POLR2E: variants seen among roughly 807,000 people sequenced by gnomAD.
POLR2E encodes the protein RNA polymerase II, I and III subunit E.
POLR2E carries 35 observed loss-of-function variants against 29.8 expected under a neutral mutation model. The observed-to-expected ratio is 1.17, with a 90% CI of 0.90 to 1.55. The LOEUF is 1.55. Ranked by LOEUF, POLR2E falls within the 40% of genes most tolerant of loss-of-function variation. POLR2E has a pLI of 0.00. For missense variants in POLR2E, 287 were observed against 288.6 expected (o/e 0.99, Z 0.04); for synonymous variants, 174 against 112.6 (o/e 1.55, Z -3.45).
intron 7 of POLR2E, 124 bp from the exon 8 acceptor site, chr19:1,088,844 G>C (rs899849750): frequency 2.6e-5 from 4 of 152,654 alleles, no homozygotes; most frequent in Admixed American, 6.5e-5. Context: ...CCGCAGTGCA[G>C]AGGCCGGACG....
Position 1,087,235 on chromosome 19 carries a change from C to CCTCCACTTCCTGGGTTCAAGTGATT in POLR2E, c.*1475_*1499dup. 6.6e-6 allele frequency: 1 copy of CCTCCACTTCCTGGGTTCAAGTGATT among 152,068 alleles called. No individual in the cohort carries two copies. The highest frequency in any genetic ancestry group is 1.5e-5 in the Non-Finnish European group (1 of 68,018). The allele number at this position is 152,068 out of a possible 1,614,324, so 9.4% of individuals were successfully genotyped here. ...CTTTTAACTCCTGAGCTCAAGCGATCCTCCACTTCCTGGGTTCAAGTGATT... is the reference window on the plus strand; with the variant it reads ...CTTTTAACTCCTGAGCTCAAGCGATCCTCCACTTCCTGGGTTCAAGTGATTCTCCACTTCCTGGGTTCAAGTGATT... On this transcript the variant is annotated 3_prime_UTR_variant, in exon 8 of 8. Transcript: ENST00000615234.
At chr19:1,088,882 G>A (rs1052196419) in intron 7 of POLR2E, among the ~76,000 whole-genome samples, 162 bp from the exon 8 acceptor site, 1 of 150,988 alleles carries the variant, frequency 6.6e-6, no homozygotes, top group Non-Finnish European at 1.5e-5. Context: ...GGTCACACAG[G>A]CGTGGGCAGT....
Position 1,090,025 on chromosome 19 carries a change from G to A in POLR2E, c.488+62C>T, listed in dbSNP as rs2043794852. On this transcript the variant is annotated intron_variant, in intron 5 of 7. Transcript: ENST00000615234. ...TTGGGGGGGCAGGGGTGTGTGTGGG[G>A]GGGGAACGCGGAAGTCTCGAGGGAC... is the stretch of plus-strand genomic sequence containing the variant. 3.4e-6 allele frequency: 5 copies of A among 1,461,162 alleles called. No individual in the cohort carries two copies. The South Asian group carries it at 4.6e-5, about 13-fold the overall frequency. 90.5% of individuals were successfully genotyped at this position (1,461,162 alleles called of 1,614,324 possible).
In POLR2E at chr19:1,090,973, C is replaced by A. The variant is rs2043815859; in HGVS notation, c.364G>T (p.Ala122Ser). ...PSAKQSLVDMAPKYILEQFLQ... is the reference protein window; with the variant it reads ...PSAKQSLVDMSPKYILEQFLQ... ...AACTGCTCCAGGATGTACTTGGGGGCCATGTCGACCAGGGACTGGAAGAGA... is the reference window on the plus strand; with the variant it reads ...AACTGCTCCAGGATGTACTTGGGGGACATGTCGACCAGGGACTGGAAGAGA... Residue 122 changes from alanine to serine, a missense_variant, in exon 4 of 8, where the codon GCC (alanine) becomes TCC (serine). Ala to Ser is a moderately conservative substitution (Grantham distance 99). Transcript: ENST00000615234. 6.2e-7 allele frequency: 1 copy of A among 1,613,588 alleles called. No individual in the cohort carries two copies. The highest frequency in any genetic ancestry group is 1.3e-5 in the African/African-American group (1 of 75,060).
In POLR2E at chr19:1,091,916, A is replaced by G; in HGVS notation, c.233-9T>C. The G allele has an allele frequency of 6.3e-7, 1 of 1,589,528 alleles. No homozygotes were observed. The highest frequency in any genetic ancestry group is 2.2e-5 in the East Asian group (1 of 44,782). On this transcript the variant is annotated splice_polypyrimidine_tract_variant and intron_variant, in intron 2 of 7. Coordinates refer to ENST00000615234, the MANE Select transcript of POLR2E (RefSeq NM_002695.5). ...GCCCACCTTGGGCTCCTCTGCAGAC[A>G]GAGAGTGTGCTGGCCTGCACGAGCC...
intron 2 of POLR2E, 142 bp downstream of exon 2, chr19:1,093,762 G>A (rs1050653771): frequency 3.7e-5 from 53 of 1,414,632 alleles, no homozygotes; most frequent in Non-Finnish European, 4.9e-5. Flanking sequence ...CCACAGCAAG[G>A]AAGGGGAGGG....
intron 7 of POLR2E, among the ~76,000 whole-genome samples, chr19:1,088,985 G>A (rs958356299): frequency 5.3e-5 from 8 of 152,212 alleles, no homozygotes; most frequent in Non-Finnish European, 8.8e-5. Context: ...CAGGACAGCA[G>A]CTCGCCATGA....
chr19:1,091,090 A>C (rs1176796506), intron 3 of POLR2E, 102 bp from the exon 4 acceptor site: 4 of 942,646 alleles, frequency 4.2e-6, no homozygotes, highest in East Asian at 2.5e-5. Context: ...TGCCCCAACA[A>C]CACACCCACG....
rs753258227 is a variant in POLR2E at position 1,095,291 on chromosome 19, G to A, written c.25C>T (p.Arg9Trp). Reference sequence around the variant, plus strand: ...ATGGTCTTGCGGATTTTCCAGAGCCGGTACGTCTCCTCCTCGTCGTCCATG... The same window carrying A: ...ATGGTCTTGCGGATTTTCCAGAGCCAGTACGTCTCCTCCTCGTCGTCCATG... The part of the protein sequence containing the change: MDDEEETY[R>W]LWKIRKTIMQ... The change falls in exon 1 of 8, where the codon CGG (arginine) becomes TGG (tryptophan). Residue 9 changes from arginine to tryptophan, a missense_variant. Physicochemically the swap from Arg to Trp is moderately radical, Grantham distance 101. Coordinates refer to ENST00000615234, the MANE Select transcript of POLR2E (RefSeq NM_002695.5). 5.0e-6 allele frequency: 8 copies of A among 1,613,130 alleles called. No homozygotes were observed. The highest frequency in any genetic ancestry group is 3.3e-5 in the Admixed American group (2 of 59,990).
chr19:1,087,558 C>T lies in POLR2E; in HGVS notation c.*1177G>A, dbSNP rs898014708. The T allele has an allele frequency of 6.6e-6, 1 of 152,132 alleles. No individual in the cohort carries two copies. Among genetic ancestry groups the T allele is most frequent in the Non-Finnish European group, 1.5e-5 (1 of 68,104 alleles). 9.4% of individuals were successfully genotyped at this position (152,132 alleles called of 1,614,324 possible). A position where few individuals can be genotyped will look rare whatever the true frequency, so the allele number is the denominator to read the frequency against. ...GAACCCCCATCCCCACCCAACTCCC[C>T]AGTCCCGGGAACCCCCATCCTACTT... On this transcript the variant is annotated 3_prime_UTR_variant, in exon 8 of 8. Coordinates refer to ENST00000615234, the MANE Select transcript of POLR2E (RefSeq NM_002695.5).
In POLR2E at chr19:1,093,291, G is replaced by A. The variant is rs138598102; in HGVS notation, c.232+613C>T. Reference sequence around the variant, plus strand: ...TGATTAATTCTGGGCGTGGGGCTGCGCCCCTAAGGCGCTTGCAATCCCCCA... The same window carrying A: ...TGATTAATTCTGGGCGTGGGGCTGCACCCCTAAGGCGCTTGCAATCCCCCA... On this transcript the variant is annotated intron_variant, in intron 2 of 7. Transcript: ENST00000615234. 4.8e-3 allele frequency among the ~76,000 whole-genome samples: 730 copies of A among 152,354 alleles called. 2 individuals are homozygous for A. The highest frequency in any genetic ancestry group is 8.2e-3 in the Non-Finnish European group (557 of 68,030).
chr19:1,091,392 C>T (rs983899847), intron 3 of POLR2E: 10 of 364,260 alleles, frequency 2.7e-5, no homozygotes, highest in East Asian at 1.2e-4. Context: ...CCAGAGTGTC[C>T]GACAGACAGA....
Position 1,088,288 on chromosome 19 carries a change from G to C in POLR2E, c.*447C>G, listed in dbSNP as rs372604542. ...CCCTGGTGGCTTGAGCGCGTGCATG[G>C]CTGTGAATGGAGTAAAGAGCCGAGG... is the stretch of plus-strand genomic sequence containing the variant. On this transcript the variant is annotated 3_prime_UTR_variant, in exon 8 of 8. Coordinates refer to ENST00000615234, the MANE Select transcript of POLR2E (RefSeq NM_002695.5). 6 of 152,352 alleles carry C rather than the reference G, an allele frequency of 3.9e-5. No homozygotes were observed. The highest frequency in any genetic ancestry group is 2.6e-4 in the Admixed American group (4 of 15,290). The allele number at this position is 152,352 out of a possible 1,614,324, so 9.4% of individuals were successfully genotyped here. A position where few individuals can be genotyped will look rare whatever the true frequency, so the allele number is the denominator to read the frequency against.
intron 2 of POLR2E, among the ~76,000 whole-genome samples, chr19:1,093,027 A>G (rs2043870396): frequency 6.6e-6 from 1 of 152,088 alleles, no homozygotes; most frequent in South Asian, 2.1e-4. Context: ...CTCTACTAAA[A>G]TGCAAAGAAA....
intron 2 of POLR2E, 130 bp from the exon 3 acceptor site, chr19:1,092,037 G>A (rs747027782): frequency 1.7e-5 from 11 of 654,826 alleles, no homozygotes; most frequent in African/African-American, 3.6e-5. Context: ...CTCGGCTTCC[G>A]CGTTTGCAAA....
chr19:1,093,465 G>A (rs1202805263), intron 2 of POLR2E, among the ~76,000 whole-genome samples: 4 of 152,124 alleles, frequency 2.6e-5, no homozygotes, highest in Non-Finnish European at 5.9e-5. Flanking sequence ...TGACAGGGGA[G>A]AGGGGGCATG....
Position 1,087,262 on chromosome 19 carries a change from T to A in POLR2E, c.*1473A>T. On this transcript the variant is annotated 3_prime_UTR_variant, in exon 8 of 8. Transcript: ENST00000615234. ...TCCACTTCCTGGGTTCAAGTGATTC[T>A]CCTGCCTTAGCTCCCAAGTAGCTGG... 2 of 152,236 alleles carry A rather than the reference T, an allele frequency of 1.3e-5. No homozygotes were observed. Among genetic ancestry groups the A allele is most frequent in the Non-Finnish European group, 2.9e-5 (2 of 68,048 alleles). 9.4% of individuals were successfully genotyped at this position (152,236 alleles called of 1,614,324 possible).
intron 3 of POLR2E, 131 bp downstream of exon 3, chr19:1,091,661 C>A: frequency 1.5e-6 from 1 of 657,214 alleles, no homozygotes; most frequent in Non-Finnish European, 2.7e-6. Context: ...CCGGACATCC[C>A]GGCCACATCC....
At chr19:1,093,865 G>A (rs910609848) in intron 2 of POLR2E, 39 bp downstream of exon 2, 4 of 1,531,178 alleles carry the variant, frequency 2.6e-6, no homozygotes, top group Non-Finnish European at 3.5e-6. Context: ...CAGGTGCTCT[G>A]GTGGCTTCAC....
Sources: gnomAD v4.1 joint callset for allele counts (sites outside exome capture counted in the v4.1 genomes callset) on GRCh38, gnomAD v4.1.1 for gene constraint, MANE v1.5 for transcripts, NCBI Gene and HGNC (gene_info 2026-07-23, HGNC 2026-07-21) for gene names.